The following ZNF26 variants were observed in gnomAD, a reference collection of about 807,000 sequenced individuals.
The protein encoded by ZNF26 is epididymis luminal protein 179.
Under a neutral mutation model 54.9 loss-of-function variants are expected in ZNF26, and 32 were observed. The observed-to-expected ratio is 0.58, with a 90% CI of 0.44 to 0.78. ZNF26 has a LOEUF of 0.78. Ranked by LOEUF, ZNF26 falls within the 30% of genes least tolerant of loss-of-function variation. ZNF26 has a pLI of 0.00. For missense variants in ZNF26, 524 were observed against 634.0 expected (o/e 0.83, Z 1.86); for synonymous variants, 221 against 209.2 (o/e 1.06, Z -0.49).
intron 1 of ZNF26, chr12:133,004,617 C>G (rs1391442420): frequency 6.6e-6 from 1 of 152,144 alleles, no homozygotes; most frequent in Non-Finnish European, 1.5e-5. Flanking sequence ...TCCTGAGTAA[C>G]TGGGACTACA....
chr12:133,009,623 A>C (rs936334563), intron 3 of ZNF26, among the ~76,000 whole-genome samples: 1 of 151,990 alleles, frequency 6.6e-6, no homozygotes, highest in Non-Finnish European at 1.5e-5. Flanking sequence ...AATATGAACA[A>C]CTTTTTGCCA....
rs1475153151 is a variant in ZNF26 at position 133,021,617 on chromosome 12, A to G, written c.*10136A>G. The G allele has an allele frequency of 1.3e-5, 2 of 151,650 alleles. No homozygotes were observed. The highest frequency in any genetic ancestry group is 4.8e-5 in the African/African-American group (2 of 41,238). The allele number at this position is 151,650 out of a possible 1,614,324, so 9.4% of individuals were successfully genotyped here. A position where few individuals can be genotyped will look rare whatever the true frequency, so the allele number is the denominator to read the frequency against. On this transcript the variant is annotated 3_prime_UTR_variant, in exon 4 of 4. Transcript: ENST00000328654. The stretch of plus-strand genomic sequence containing the variant: ...CCCCGTCTCTACTAAAAATACAAAA[A>G]TTACCCAGGCGTGGTGGCAGGCACC...
chr12:133,008,790 A>AAG (rs1555285789), intron 3 of ZNF26, among the ~76,000 whole-genome samples: 1 of 151,648 alleles, frequency 6.6e-6, no homozygotes, highest in Admixed American at 6.6e-5. Flanking sequence ...AAAAAAAAAA[A>AAG]AAAAAGAAAA....
At chr12:133,008,530 A>T (rs1368399071) in intron 3 of ZNF26, among the ~76,000 whole-genome samples, 2 of 152,104 alleles carry the variant, frequency 1.3e-5, no homozygotes, top group Non-Finnish European at 2.9e-5. Context: ...TAATCCCAGC[A>T]CTTTGGGAGG....
In ZNF26 at chr12:133,011,184, T is replaced by C. The variant is rs1953465171; in HGVS notation, c.1305T>C (p.Phe435=). ...PYECSLCERA[F]CGKSQLIIHQ... is the part of the protein sequence containing the mutation. ...AATGTAGTTTGTGTGAGAGAGCCTT[T>C]TGTGGAAAATCACAGCTGATTATAC... Residue 435 remains phenylalanine (F), a synonymous_variant, in exon 4 of 4, where the codon TTT becomes TTC. Transcript: ENST00000328654. The C allele has an allele frequency of 4.3e-6, 7 of 1,614,018 alleles. No homozygotes were observed. Among genetic ancestry groups the C allele is most frequent in the Non-Finnish European group, 8.5e-7 (1 of 1,180,032 alleles).
chr12:132,986,669 G>T lies in ZNF26; in HGVS notation c.-172G>T. ...GAGGTTGTCTAGTCACGCGCGGTCT[G>T]TGTTGGGCGAGAGCTGAGGAGCCGG... On this transcript the variant is annotated 5_prime_UTR_variant, in exon 1 of 4. Transcript: ENST00000328654. 3.1e-6 allele frequency: 2 copies of T among 648,388 alleles called. No homozygotes were observed. Among genetic ancestry groups the T allele is most frequent in the Admixed American group, 5.6e-5 (2 of 35,552 alleles). 40.2% of individuals were successfully genotyped at this position (648,388 alleles called of 1,614,324 possible).
intron 1 of ZNF26, among the ~76,000 whole-genome samples, chr12:132,989,028 ATTTTTT>A (rs150395603): frequency 2.2e-4 from 17 of 78,822 alleles, no homozygotes; most frequent in East Asian, 9.0e-4. Context: ...CTTTCGGTGA[ATTTTTT>A]TTTTTTTTTT....
At chr12:132,999,590 T>C (rs1421196803) in intron 1 of ZNF26, among the ~76,000 whole-genome samples, 1 of 152,164 alleles carries the variant, frequency 6.6e-6, no homozygotes, top group Non-Finnish European at 1.5e-5. Flanking sequence ...TTTAGTGGTT[T>C]ACACAAAGTA....
At chr12:132,987,115 G>A (rs1446503700) in intron 1 of ZNF26, among the ~76,000 whole-genome samples, 1 of 152,280 alleles carries the variant, frequency 6.6e-6, no homozygotes, top group East Asian at 1.9e-4. Context: ...CCAGCTGCGG[G>A]CCCTGAAGTC....
chr12:133,010,945 C>T lies in ZNF26; in HGVS notation c.1066C>T (p.Gln356Ter). 1.2e-6 allele frequency: 2 copies of T among 1,614,098 alleles called. No individual in the cohort carries two copies. Among genetic ancestry groups the T allele is most frequent in the East Asian group, 2.2e-5 (1 of 44,870 alleles). Residue 356 changes from glutamine (Q) to a stop codon, truncating the protein, a stop_gained, in exon 4 of 4, where the codon CAA becomes TAA. Transcript: ENST00000328654. LOFTEE classifies it high-confidence loss of function. The part of the protein sequence containing the change: ...DCGKAFNMKT[Q>*]LIVHQGVHTG... ...TGGGAAAGCCTTCAATATGAAGACACAACTCATTGTACATCAGGGAGTTCA... is the reference window on the plus strand; with the variant it reads ...TGGGAAAGCCTTCAATATGAAGACATAACTCATTGTACATCAGGGAGTTCA...
Position 133,019,471 on chromosome 12 carries a change from T to G in ZNF26, c.*7990T>G, listed in dbSNP as rs1953610587. 1 of 152,162 alleles carries G rather than the reference T, an allele frequency of 6.6e-6. No homozygotes were observed. Among genetic ancestry groups the G allele is most frequent in the Admixed American group, 6.5e-5 (1 of 15,280 alleles). 9.4% of individuals were successfully genotyped at this position (152,162 alleles called of 1,614,324 possible). On this transcript the variant is annotated 3_prime_UTR_variant, in exon 4 of 4. Transcript: ENST00000328654. ...GTCTAACAGGTATATGAAAAAATGCTCAATATCACCACTTATCAGAGAAAT... is the reference window on the plus strand; with the variant it reads ...GTCTAACAGGTATATGAAAAAATGCGCAATATCACCACTTATCAGAGAAAT...
rs540336889 is a variant in ZNF26 at position 133,006,599 on chromosome 12, C to CT, written c.34-429dup. ...TCCTTGATTGATTTTTTCTTTCTTT[C>CT]TTTTTTTTTTTTTTAGATGGAGTCT... On this transcript the variant is annotated intron_variant, in intron 1 of 3. Transcript: ENST00000328654. 208 of 139,014 alleles carry CT rather than the reference C, an allele frequency of 1.5e-3. 1 individual carries two copies. The highest frequency in any genetic ancestry group is 9.6e-3 in the South Asian group (44 of 4,570). The allele number at this position is 139,014 out of a possible 1,614,324, so 8.6% of individuals were successfully genotyped here. A position where few individuals can be genotyped will look rare whatever the true frequency, so the allele number is the denominator to read the frequency against.
chr12:133,008,812 T>C (rs1953401177), intron 3 of ZNF26, among the ~76,000 whole-genome samples: 1 of 146,858 alleles, frequency 6.8e-6, no homozygotes. Context: ...CACCTGAGAC[T>C]AAATTTATAA....
At chr12:133,008,318 A>G (rs1953379836) in intron 3 of ZNF26, among the ~76,000 whole-genome samples, 1 of 151,986 alleles carries the variant, frequency 6.6e-6, no homozygotes, top group South Asian at 2.1e-4. Flanking sequence ...TAGTGTTTCC[A>G]TCTCTAAGGA....
chr12:132,990,560 T>C (rs1464039203), intron 1 of ZNF26, among the ~76,000 whole-genome samples: 1 of 152,208 alleles, frequency 6.6e-6, no homozygotes, highest in Admixed American at 6.5e-5. Context: ...CTTTATAGAC[T>C]GAGTTAGGAT....
chr12:133,008,106 T>TC (rs1953374241), intron 3 of ZNF26, among the ~76,000 whole-genome samples: 1 of 152,094 alleles, frequency 6.6e-6, no homozygotes, highest in Non-Finnish European at 1.5e-5. Context: ...GTTTACGCTT[T>TC]CCCCCCAGTG....
rs1953579839 is a variant in ZNF26 at position 133,017,412 on chromosome 12, G to T, written c.*5931G>T. ...GGTGGTTTGAAGTACCAGCTTAGTG[G>T]CAGTACTTGACAAGCACAGGGCACC... On this transcript the variant is annotated 3_prime_UTR_variant, in exon 4 of 4. Transcript: ENST00000328654. 1 of 152,170 alleles carries T rather than the reference G, an allele frequency of 6.6e-6. No homozygotes were observed. The highest frequency in any genetic ancestry group is 2.1e-4 in the South Asian group (1 of 4,824). The allele number at this position is 152,170 out of a possible 1,614,324, so 9.4% of individuals were successfully genotyped here.
chr12:133,001,728 T>C lies in ZNF26; in HGVS notation c.34-5314T>C, dbSNP rs1953222903. The C allele has an allele frequency of 7.8e-7, 1 of 1,288,604 alleles. No individual in the cohort carries two copies. Among genetic ancestry groups the C allele is most frequent in the Admixed American group, 2.3e-5 (1 of 43,512 alleles). The allele number at this position is 1,288,604 out of a possible 1,614,324, so 79.8% of individuals were successfully genotyped here. ...GGGCCCAGGGAAACAGTGCCCTGCC[T>C]GAGGTGAGCCGCAGGGAGGCGGGGC... On this transcript the variant is annotated intron_variant, in intron 1 of 3. Coordinates refer to ENST00000328654, the MANE Select transcript of ZNF26 (RefSeq NM_019591.4). The surrounding 1 kb of genome is among the most constrained non-coding windows in gnomAD (Gnocchi z 4.7).
rs1953682900 is a variant in ZNF26 at position 133,024,936 on chromosome 12, T to C, written c.*13455T>C. 2 of 152,146 alleles carry C rather than the reference T, an allele frequency of 1.3e-5. No homozygotes were observed. The highest frequency in any genetic ancestry group is 4.8e-5 in the African/African-American group (2 of 41,438). 9.4% of individuals were successfully genotyped at this position (152,146 alleles called of 1,614,324 possible). On this transcript the variant is annotated 3_prime_UTR_variant, in exon 4 of 4. Coordinates refer to ENST00000328654, the MANE Select transcript of ZNF26 (RefSeq NM_019591.4). ...GCTAACTTTACAGATAAGGACAAAC[T>C]GTATAAAAAAAGATATTTGAACTCT...
Sources: allele counts gnomAD v4.1 joint callset (sites outside exome capture counted in the v4.1 genomes callset), GRCh38; gene constraint gnomAD v4.1.1; non-coding constraint Gnocchi (gnomAD v3.1); transcripts MANE v1.5; gene names NCBI Gene and HGNC (gene_info 2026-07-23, HGNC 2026-07-21).